C6orf52: variants seen among roughly 807,000 people sequenced by gnomAD.
The protein encoded by C6orf52 is putative uncharacterized protein C6orf52.
Under a neutral mutation model 16.6 loss-of-function variants are expected in C6orf52, and 16 were observed. The ratio of observed to expected loss-of-function variants is 0.96; its 90% CI spans 0.65 to 1.46. The LOEUF is 1.46. Among genes scored for constraint, C6orf52 ranks in the 40% most tolerant of loss-of-function variants. C6orf52 has a pLI of 0.00. For missense variants in C6orf52, 166 were observed against 182.3 expected, an observed-to-expected ratio of 0.91 and a Z score of 0.52; for synonymous variants, 53 against 61.4, an observed-to-expected ratio of 0.86 and a Z score of 0.64.
intron 4 of C6orf52, 26 bp downstream of exon 4, chr6:10,683,161 C>A (rs1317262980): frequency 6.7e-7 from 1 of 1,495,048 alleles, no homozygotes; most frequent in Non-Finnish European, 9.0e-7. Flanking sequence ...TTGTTTCCAA[C>A]CACTTCAGCA....
intron 1 of C6orf52, among the ~76,000 whole-genome samples, chr6:10,689,586 A>C (rs1198465283): frequency 6.6e-6 from 1 of 152,228 alleles, no homozygotes; most frequent in Non-Finnish European, 1.5e-5. Flanking sequence ...CCAGGTGGTC[A>C]GTCTGGCTAA....
intron 3 of C6orf52, among the ~76,000 whole-genome samples, chr6:10,686,429 T>TG (rs913530334): frequency 5.9e-5 from 9 of 151,976 alleles, no homozygotes; most frequent in East Asian, 1.9e-4. Flanking sequence ...GGGGTGTGTG[T>TG]GGGGGGGAAC....
At chr6:10,688,423 C>A (rs1490784568) in intron 1 of C6orf52, among the ~76,000 whole-genome samples, 1 of 152,164 alleles carries the variant, frequency 6.6e-6, no homozygotes, top group Non-Finnish European at 1.5e-5. Context: ...TTGGCCATTT[C>A]CCTGCAGCTT....
intron 3 of C6orf52, among the ~76,000 whole-genome samples, chr6:10,684,324 AAAAAG>A (rs1768663360): frequency 6.6e-6 from 1 of 152,212 alleles, no homozygotes. Flanking sequence ...CTAATTATAT[AAAAAG>A]AAAAGAAAGA....
At chr6:10,671,704 G>A (rs1261604259) in intron 4 of C6orf52, 106 bp from the exon 5 acceptor site, 2 of 637,670 alleles carry the variant, frequency 3.1e-6, no homozygotes, top group African/African-American at 3.8e-5. Flanking sequence ...AGGAAGTACT[G>A]CAGATAGTAA....
chr6:10,680,996 C>A lies in C6orf52; in HGVS notation c.316+2191G>T, dbSNP rs571343458. On this transcript the variant is annotated intron_variant, in intron 4 of 4. Transcript: ENST00000259983. ...TTTAAATTTTTTGTAGAGACAAGGT[C>A]TCACTGTATTGCCAAGTCTGGTCTC... is the stretch of plus-strand genomic sequence containing the variant. Among the ~76,000 whole-genome samples, 24 of 152,262 alleles carry A rather than the reference C, an allele frequency of 1.6e-4. 1 individual carries two copies. The South Asian group carries it at 5.0e-3, about 32-fold the overall frequency.
intron 1 of C6orf52, among the ~76,000 whole-genome samples, 153 bp downstream of exon 1, chr6:10,694,341 T>C (rs975283561): frequency 2.0e-5 from 3 of 151,368 alleles, no homozygotes; most frequent in Admixed American, 6.6e-5. Context: ...GCCCCAGAGT[T>C]AGACAAGCAG....
rs1768929099 is a variant in C6orf52, at chr6:10,687,170, G to C, written c.72-6C>G. On this transcript the variant is annotated splice_polypyrimidine_tract_variant and splice_region_variant and intron_variant, in intron 2 of 4. Coordinates refer to ENST00000259983, the MANE Select transcript of C6orf52 (RefSeq NM_001145020.3). ...CTCTAATAGCAGAGGGGAGACTACAGGAATGACAATCATCACAACCAACGC... is the reference window on the plus strand; with the variant it reads ...CTCTAATAGCAGAGGGGAGACTACACGAATGACAATCATCACAACCAACGC... 1 of 1,538,348 alleles carries C rather than the reference G, an allele frequency of 6.5e-7. No individual in the cohort carries two copies. The highest frequency in any genetic ancestry group is 8.8e-7 in the Non-Finnish European group (1 of 1,139,100).
chr6:10,685,247 G>GA (rs34615421), intron 3 of C6orf52, among the ~76,000 whole-genome samples: 16,843 of 72,976 alleles, frequency 0.23, 3,297 homozygotes, highest in African/African-American at 0.51. Context: ...AGGGGCAAAA[G>GA]AAAAAAAAAA....
At chr6:10,674,371 ATC>A (rs2127459617) in intron 4 of C6orf52, among the ~76,000 whole-genome samples, 1 of 152,324 alleles carries the variant, frequency 6.6e-6, no homozygotes, top group African/African-American at 2.4e-5. Flanking sequence ...AATTTCACCT[ATC>A]TCTTGAGTTG....
chr6:10,679,568 TAAAA>T (rs1005395904), intron 4 of C6orf52, among the ~76,000 whole-genome samples: 5 of 120,446 alleles, frequency 4.2e-5, no homozygotes, highest in Non-Finnish European at 7.9e-5. Flanking sequence ...TCTAACTTGT[TAAAA>T]AAAAAAAACA....
At chr6:10,687,617 G>A (rs1768972153) in intron 1 of C6orf52, 56 bp from the exon 2 acceptor site, 2 of 1,083,682 alleles carry the variant, frequency 1.8e-6, no homozygotes, top group South Asian at 1.4e-5. Context: ...AATCCAGCTT[G>A]TGGGCTGAAA....
chr6:10,676,527 T>C (rs1581535288), intron 4 of C6orf52, among the ~76,000 whole-genome samples: 1 of 152,188 alleles, frequency 6.6e-6, no homozygotes, highest in Non-Finnish European at 1.5e-5. Context: ...ATGTTCAAAA[T>C]GGCGGCTCCA....
In C6orf52 at chr6:10,671,571, T is replaced by C; in HGVS notation, c.344A>G (p.Glu115Gly). Reference protein sequence around the residue: ...EDPHLHLNIEESNQEFMVKSE... With the variant: ...EDPHLHLNIEGSNQEFMVKSE... The stretch of plus-strand genomic sequence containing the variant: ...TTTCACCATAAACTCTTGGTTTGAT[T>C]CCTCAATATTCAAATGAAGATGTGG... The change falls in exon 5 of 5, where the codon GAA (glutamate) becomes GGA (glycine). Residue 115 changes from glutamate (E) to glycine (G), a missense_variant. Glu to Gly is a moderately conservative substitution (Grantham distance 98). Transcript: ENST00000259983. 1 of 1,545,128 alleles carries C rather than the reference T, an allele frequency of 6.5e-7. No homozygotes were observed. The highest frequency in any genetic ancestry group is 1.7e-4 in the Middle Eastern group (1 of 5,974).
At chr6:10,694,814 G>A (rs2127477180), upstream of C6orf52, 1 of 560,732 alleles carries the variant, frequency 1.8e-6, no homozygotes, top group Non-Finnish European at 3.2e-6. Flanking sequence ...ACCTCCCCGC[G>A]CTTAAAGTGT....
chr6:10,692,528 C>T (rs909736330), intron 1 of C6orf52, among the ~76,000 whole-genome samples: 9 of 152,084 alleles, frequency 5.9e-5, no homozygotes, highest in African/African-American at 1.4e-4. Flanking sequence ...GCAATCTCCA[C>T]CTCCCTAATT....
chr6:10,685,022 G>T, intron 3 of C6orf52: 1 of 522,438 alleles, frequency 1.9e-6, no homozygotes, highest in Non-Finnish European at 2.8e-6. Flanking sequence ...ATCCCAGACT[G>T]TGCCAACAAA....
chr6:10,688,103 G>A (rs1162772974), intron 1 of C6orf52, among the ~76,000 whole-genome samples: 2 of 150,432 alleles, frequency 1.3e-5, no homozygotes, highest in Non-Finnish European at 2.9e-5. Context: ...AGAGAAGAAC[G>A]CGCTCCCTCG....
At chr6:10,671,674 A>AT in intron 4 of C6orf52, 76 bp from the exon 5 acceptor site, 1 of 1,012,042 alleles carries the variant, frequency 9.9e-7, no homozygotes, top group Non-Finnish European at 1.4e-6. Flanking sequence ...AAAATTAGAA[A>AT]GCTTTTAGAA....
Sources: gnomAD v4.1 joint callset for allele counts (sites outside exome capture counted in the v4.1 genomes callset) on GRCh38, gnomAD v4.1.1 for gene constraint, MANE v1.5 for transcripts, NCBI Gene and HGNC (gene_info 2026-07-23, HGNC 2026-07-21) for gene names.